The following ASCL5 variants were observed in gnomAD, a reference collection of about 807,000 sequenced individuals.
ASCL5 encodes achaete-scute family bHLH transcription factor 5.
For missense variants in ASCL5, 262 were observed against 268.9 expected, an observed-to-expected ratio of 0.97 and a Z score of 0.18; for synonymous variants, 124 against 131.5, an observed-to-expected ratio of 0.94 and a Z score of 0.39.
Position 201,115,295 on chromosome 1 carries a change from C to T in ASCL5, c.78G>A (p.Met26Ile). 8.1e-7 allele frequency: 1 copy of T among 1,230,340 alleles called. No homozygotes were observed. Among genetic ancestry groups the T allele is most frequent in the Non-Finnish European group, 1.0e-6 (1 of 986,808 alleles). 76.2% of individuals were successfully genotyped at this position (1,230,340 alleles called of 1,614,324 possible). A position where few individuals can be genotyped will look rare whatever the true frequency, so the allele number is the denominator to read the frequency against. ...GPPSCMQLGV[M>I]PPPRQAPLPP... ...GCAGGGGCGCCTGCCGGGGAGGGGG[C>T]ATGACGCCCAGCTGCATGCAGCTGG... Residue 26 changes from methionine (M) to isoleucine (I), a missense_variant, in exon 2 of 2, where the codon ATG becomes ATA. Met to Ile is a conservative substitution (Grantham distance 10, BLOSUM62 1). Transcript: ENST00000449188.
chr1:201,114,853 C>T lies in ASCL5; in HGVS notation c.520G>A (p.Asp174Asn). The T allele has an allele frequency of 2.8e-5, 34 of 1,227,610 alleles. No individual in the cohort carries two copies. Among genetic ancestry groups the T allele is most frequent in the Non-Finnish European group, 3.3e-5 (33 of 985,258 alleles). The allele number at this position is 1,227,610 out of a possible 1,614,324, so 76.0% of individuals were successfully genotyped here. Residue 174 changes from aspartate to asparagine, a missense_variant, in exon 2 of 2, where the codon GAC becomes AAC. Transcript: ENST00000449188. ...GAGGAGGGCGCCCGGGCCTCGCCGTCGCCAGGGCGGTCGGGACGGGGGGTG... is the reference window on the plus strand; with the variant it reads ...GAGGAGGGCGCCCGGGCCTCGCCGTTGCCAGGGCGGTCGGGACGGGGGGTG... ...PATPRPDRPGDGEARAPSSLV... is the reference protein window; with the variant it reads ...PATPRPDRPGNGEARAPSSLV...
At chr1:201,118,615 G>A (rs1254838288) in intron 1 of ASCL5, among the ~76,000 whole-genome samples, 2 of 152,162 alleles carry the variant, frequency 1.3e-5, no homozygotes, top group Non-Finnish European at 2.9e-5. Context: ...TGTAGCATAT[G>A]ACCATTAAGC....
At position 201,114,858 on chromosome 1, in the gene ASCL5, G is replaced by A; in HGVS notation, c.515C>T (p.Pro172Leu). 8.1e-7 allele frequency: 1 copy of A among 1,228,978 alleles called. No homozygotes were observed. The highest frequency in any genetic ancestry group is 1.0e-6 in the Non-Finnish European group (1 of 986,188). 76.1% of individuals were successfully genotyped at this position (1,228,978 alleles called of 1,614,324 possible). A position where few individuals can be genotyped will look rare whatever the true frequency, so the allele number is the denominator to read the frequency against. ...GGGCGCCCGGGCCTCGCCGTCGCCA[G>A]GGCGGTCGGGACGGGGGGTGGCGGG... is the stretch of plus-strand genomic sequence containing the variant. Reference protein sequence around the residue: ...APPATPRPDRPGDGEARAPSS... With the variant: ...APPATPRPDRLGDGEARAPSS... Residue 172 changes from proline (P) to leucine (L), a missense_variant, in exon 2 of 2, where the codon CCT becomes CTT. Physicochemically the swap from Pro to Leu is moderately conservative, Grantham distance 98. Coordinates refer to ENST00000449188, the MANE Select transcript of ASCL5 (RefSeq NM_001270601.2).
Position 201,125,701 on chromosome 1 carries a change from C to T in ASCL5, c.-506+1383G>A, listed in dbSNP as rs1558096388. Among the ~76,000 whole-genome samples the T allele has an allele frequency of 2.0e-5, 3 of 152,290 alleles. 1 individual carries two copies. Among genetic ancestry groups the T allele is most frequent in the South Asian group, 4.1e-4 (2 of 4,824 alleles). ...TTCCTTGAAGGGCAGGAACCTCATG[C>T]TCCCTCTGTATCCTGCGGGCCCAGC... On this transcript the variant is annotated intron_variant, in intron 1 of 1. Transcript: ENST00000449188.
At chr1:201,126,084 G>A (rs144840289) in intron 1 of ASCL5, among the ~76,000 whole-genome samples, 114 of 152,220 alleles carry the variant, frequency 7.5e-4, no homozygotes, top group Middle Eastern at 6.8e-3. Context: ...CTTACCATGT[G>A]CTAGCAATTT....
intron 1 of ASCL5, among the ~76,000 whole-genome samples, chr1:201,116,550 G>T (rs1486663200): frequency 6.6e-6 from 1 of 152,166 alleles, no homozygotes; most frequent in African/African-American, 2.4e-5. Context: ...TTGAGTATTA[G>T]ATGCTCCACA....
rs374341623 is a variant in ASCL5 at position 201,122,832 on chromosome 1, G to A, written c.-506+4252C>T. ...TAAACTGGCCGGGATGAATCCTGGCGCTGCTCTTACTGGCTAAGTAGCTTT... is the reference window on the plus strand; with the variant it reads ...TAAACTGGCCGGGATGAATCCTGGCACTGCTCTTACTGGCTAAGTAGCTTT... On this transcript the variant is annotated intron_variant, in intron 1 of 1. Coordinates refer to ENST00000449188, the MANE Select transcript of ASCL5 (RefSeq NM_001270601.2). 5.9e-5 allele frequency among the ~76,000 whole-genome samples: 9 copies of A among 152,258 alleles called. No individual in the cohort carries two copies. The East Asian group carries it at 7.7e-4, about 13-fold the overall frequency.
intron 1 of ASCL5, among the ~76,000 whole-genome samples, chr1:201,124,513 A>G (rs1663543711): frequency 6.6e-6 from 1 of 152,200 alleles, no homozygotes. Context: ...TCCTTTCTCT[A>G]CAAAAAGGAG....
intron 1 of ASCL5, among the ~76,000 whole-genome samples, chr1:201,123,719 C>G (rs1425269506): frequency 6.6e-6 from 1 of 152,224 alleles, no homozygotes; most frequent in Non-Finnish European, 1.5e-5. Flanking sequence ...ATTACTCCTA[C>G]TACCCCACCC....
In ASCL5 at chr1:201,115,615, T is replaced by A; in HGVS notation, c.-243A>T. On this transcript the variant is annotated 5_prime_UTR_variant, in exon 2 of 2. The change abolishes an upstream ATG in the 5' untranslated region. Coordinates refer to ENST00000449188, the MANE Select transcript of ASCL5 (RefSeq NM_001270601.2). The stretch of plus-strand genomic sequence containing the variant: ...TGCACGCCTTCTCAGAGCCAGCCCA[T>A]GGCGCCGCGGAACTCTGAGGGCCCG... The A allele has an allele frequency of 3.0e-6, 1 of 331,984 alleles. No individual in the cohort carries two copies. The highest frequency in any genetic ancestry group is 4.6e-5 in the East Asian group (1 of 21,572). The allele number at this position is 331,984 out of a possible 1,614,324, so 20.6% of individuals were successfully genotyped here.
At chr1:201,126,022 G>C (rs1005301410) in intron 1 of ASCL5, among the ~76,000 whole-genome samples, 1 of 152,166 alleles carries the variant, frequency 6.6e-6, no homozygotes, top group Non-Finnish European at 1.5e-5. Flanking sequence ...TTCTAACGGG[G>C]ACAGAATCTT....
intron 1 of ASCL5, among the ~76,000 whole-genome samples, chr1:201,121,384 A>G (rs956694752): frequency 6.6e-6 from 1 of 152,148 alleles, no homozygotes; most frequent in African/African-American, 2.4e-5. Context: ...AGGTGGGGGG[A>G]TCGCTTGAGC....
chr1:201,126,307 T>G (rs1663579979), intron 1 of ASCL5, among the ~76,000 whole-genome samples: 1 of 152,094 alleles, frequency 6.6e-6, no homozygotes, highest in Non-Finnish European at 1.5e-5. Flanking sequence ...AATTTTTTTG[T>G]AGAGACAGAA....
chr1:201,122,407 C>T (rs1227417573), intron 1 of ASCL5, among the ~76,000 whole-genome samples: 2 of 152,148 alleles, frequency 1.3e-5, no homozygotes, highest in East Asian at 1.9e-4. Flanking sequence ...AGGATGGGCT[C>T]GCGTGGATTA....
At chr1:201,121,614 T>G (rs900650237) in intron 1 of ASCL5, among the ~76,000 whole-genome samples, 5 of 152,298 alleles carry the variant, frequency 3.3e-5, no homozygotes, top group Admixed American at 2.0e-4. Context: ...CATTAAATAT[T>G]GTATTCATCT....
At chr1:201,117,393 G>A (rs1663369874) in intron 1 of ASCL5, among the ~76,000 whole-genome samples, 1 of 152,004 alleles carries the variant, frequency 6.6e-6, no homozygotes, top group Non-Finnish European at 1.5e-5. Flanking sequence ...CCAAGATCAT[G>A]CCACTGCATT....
chr1:201,114,836 CG>C lies in ASCL5; in HGVS notation c.536del (p.Ala179GlyfsTer40). 3 of 1,229,142 alleles carry C rather than the reference CG, an allele frequency of 2.4e-6. No individual in the cohort carries two copies. Among genetic ancestry groups the C allele is most frequent in the Non-Finnish European group, 3.0e-6 (3 of 986,314 alleles). The allele number at this position is 1,229,142 out of a possible 1,614,324, so 76.1% of individuals were successfully genotyped here. On this transcript the variant is annotated frameshift_variant, in exon 2 of 2. Transcript: ENST00000449188. LOFTEE classifies it low-confidence loss of function (END_TRUNC). The part of the protein sequence containing the change: ...PDRPGDGEAR[A>X]PSSLVPESSE... ...ATGACTCCGGCACCAGGGAGGAGGG[CG>C]CCCGGGCCTCGCCGTCGCCAGGGCG...
rs905957036 is a variant in ASCL5, at chr1:201,115,381, G to T, written c.-9C>A. On this transcript the variant is annotated 5_prime_UTR_variant, in exon 2 of 2. Transcript: ENST00000449188. The stretch of plus-strand genomic sequence containing the variant: ...CAGAAGTTATTGTTCATGGTGCCGC[G>T]TGGAGCTGGACCCAGAGCGAGGCCT... 4.9e-6 allele frequency: 6 copies of T among 1,231,528 alleles called. No homozygotes were observed. Among genetic ancestry groups the T allele is most frequent in the Non-Finnish European group, 6.1e-6 (6 of 987,810 alleles). 76.3% of individuals were successfully genotyped at this position (1,231,528 alleles called of 1,614,324 possible).
chr1:201,122,659 A>G (rs1208769108), intron 1 of ASCL5, among the ~76,000 whole-genome samples: 1 of 152,148 alleles, frequency 6.6e-6, no homozygotes, highest in African/African-American at 2.4e-5. Context: ...TGATTGTTAC[A>G]GGATCTCCTG....
Sources: gnomAD v4.1 joint callset for allele counts (sites outside exome capture counted in the v4.1 genomes callset) on GRCh38, gnomAD v4.1.1 for gene constraint, MANE v1.5 for transcripts, NCBI Gene and HGNC (gene_info 2026-07-23, HGNC 2026-07-21) for gene names.